PHACTR1: variants seen among roughly 807,000 people sequenced by gnomAD.
PHACTR1 encodes phosphatase and actin regulator 1.
A neutral mutation model predicts 69.2 loss-of-function variants in PHACTR1; 16 were observed. That is an observed-to-expected ratio of 0.23 (90% CI 0.16 to 0.35). The LOEUF is 0.35. Among genes scored for constraint, PHACTR1 ranks in the 10% least tolerant of loss-of-function variants. PHACTR1 has a pLI of 1.00. For synonymous variants in PHACTR1, 312 were observed against 284.5 expected (o/e 1.10, Z -0.97); for missense variants, 510 against 734.7 (o/e 0.69, Z 3.54).
At chr6:13,010,131 T>C (rs1056872613) in intron 4 of PHACTR1, among the ~76,000 whole-genome samples, 6 of 152,162 alleles carry the variant, frequency 3.9e-5, no homozygotes, top group African/African-American at 1.4e-4. Flanking sequence ...CTCTTTCCTA[T>C]TAATTTTTTT....
At chr6:12,913,544 C>T (rs113881607) in intron 4 of PHACTR1, among the ~76,000 whole-genome samples, 11 of 152,354 alleles carry the variant, frequency 7.2e-5, no homozygotes, top group Admixed American at 1.3e-4. Flanking sequence ...CCTGCATGCT[C>T]TCTAGTACGA....
chr6:13,235,494 C>T (rs544484349), intron 10 of PHACTR1, among the ~76,000 whole-genome samples: 1 of 152,338 alleles, frequency 6.6e-6, no homozygotes, highest in Admixed American at 6.5e-5. Flanking sequence ...GTCAGGGCGA[C>T]CTCGTGATCT....
intron 4 of PHACTR1, among the ~76,000 whole-genome samples, chr6:12,753,260 A>G (rs976067021): frequency 1.3e-5 from 2 of 152,244 alleles, no homozygotes; most frequent in African/African-American, 4.8e-5. Flanking sequence ...ACTGCATTGC[A>G]GTCAGTGCAA....
chr6:12,776,322 A>G (rs913110999), intron 4 of PHACTR1, among the ~76,000 whole-genome samples: 3 of 152,110 alleles, frequency 2.0e-5, no homozygotes, highest in Non-Finnish European at 2.9e-5. Flanking sequence ...TTACAATTTA[A>G]TTTGGTCCAA....
intron 4 of PHACTR1, among the ~76,000 whole-genome samples, chr6:12,944,783 A>ATTTTTTTTTT (rs201376090): frequency 8.4e-5 from 10 of 119,294 alleles, no homozygotes; most frequent in South Asian, 5.4e-4. Flanking sequence ...ATTTATTTTT[A>ATTTTTTTTTT]TTTATTTTTT....
intron 4 of PHACTR1, among the ~76,000 whole-genome samples, chr6:12,892,909 G>C (rs1784298696): frequency 1.3e-5 from 2 of 152,140 alleles, no homozygotes; most frequent in Admixed American, 1.3e-4. Context: ...TGGGGCAGTG[G>C]GGCTCTGAGG....
intron 4 of PHACTR1, among the ~76,000 whole-genome samples, chr6:13,023,920 T>C (rs1390356965): frequency 6.6e-6 from 1 of 152,070 alleles, no homozygotes; most frequent in African/African-American, 2.4e-5. Flanking sequence ...CTACTAAAAA[T>C]ACAAAAATTA....
intron 5 of PHACTR1, among the ~76,000 whole-genome samples, chr6:13,159,631 G>A (rs1428555110): frequency 2.0e-5 from 3 of 152,092 alleles, no homozygotes; most frequent in Non-Finnish European, 4.4e-5. Context: ...CCATAAATTG[G>A]GGTTCAATTA....
At chr6:12,883,886 A>G (rs918036235) in intron 4 of PHACTR1, among the ~76,000 whole-genome samples, 1 of 152,142 alleles carries the variant, frequency 6.6e-6, no homozygotes, top group African/African-American at 2.4e-5. Context: ...ATTCCAGTAT[A>G]TGTATTTCTT....
At chr6:13,044,207 G>T (rs1378143945) in intron 4 of PHACTR1, among the ~76,000 whole-genome samples, 1 of 152,124 alleles carries the variant, frequency 6.6e-6, no homozygotes, top group Non-Finnish European at 1.5e-5. Flanking sequence ...TGGAATAGAA[G>T]TATCTTCATC....
At position 12,955,371 on chromosome 6, in the gene PHACTR1, T is replaced by A. The variant is rs566861026; in HGVS notation, c.251-97994T>A. Among the ~76,000 whole-genome samples, 288 of 152,030 alleles carry A rather than the reference T, an allele frequency of 1.9e-3. 1 individual carries two copies. Among genetic ancestry groups the A allele is most frequent in the African/African-American group, 6.1e-3 (251 of 41,416 alleles). On this transcript the variant is annotated intron_variant, in intron 4 of 14. Transcript: ENST00000332995. Reference sequence around the variant, plus strand: ...ACACAACCAGCTAATTTTTTAATTTTAAAAAAAATTTTTTATAGCAACGGG... The same window carrying A: ...ACACAACCAGCTAATTTTTTAATTTAAAAAAAAATTTTTTATAGCAACGGG...
chr6:13,102,187 C>G (rs2127863650), intron 5 of PHACTR1, among the ~76,000 whole-genome samples: 1 of 152,296 alleles, frequency 6.6e-6, no homozygotes, highest in Middle Eastern at 3.4e-3. Context: ...AAGTATTTAG[C>G]AATCAGCATC....
chr6:12,744,259 C>A, intron 3 of PHACTR1, among the ~76,000 whole-genome samples: 1 of 152,122 alleles, frequency 6.6e-6, no homozygotes, highest in Admixed American at 6.5e-5. Flanking sequence ...AAAGCCTTGG[C>A]AAAATAACCA....
rs541128722 is a variant in PHACTR1, at chr6:13,069,511, A to G, written c.415+15982A>G. On this transcript the variant is annotated intron_variant, in intron 5 of 14. Coordinates refer to ENST00000332995, the MANE Select transcript of PHACTR1 (RefSeq NM_030948.6). ...TCTCCTTGGACCAGTCCTGGGAGTC[A>G]TGCCTGACTCTCCTGGAGTACTTCT... Among the ~76,000 whole-genome samples, 552 of 152,166 alleles carry G rather than the reference A, an allele frequency of 3.6e-3. 4 individuals carry two copies. Among genetic ancestry groups the G allele is most frequent in the African/African-American group, 0.013 (520 of 41,520 alleles).
At chr6:12,727,073 C>G (rs1247758823) in intron 3 of PHACTR1, among the ~76,000 whole-genome samples, 2 of 152,078 alleles carry the variant, frequency 1.3e-5, no homozygotes, top group Non-Finnish European at 2.9e-5. Context: ...CTCCATCACC[C>G]TAGTCAGGAA....
At chr6:13,037,662 G>T (rs1201986233) in intron 4 of PHACTR1, among the ~76,000 whole-genome samples, 1 of 152,156 alleles carries the variant, frequency 6.6e-6, no homozygotes, top group African/African-American at 2.4e-5. Flanking sequence ...TAAGCTGATG[G>T]GCAGACTCCA....
At chr6:13,084,053 T>C (rs1263626374) in intron 5 of PHACTR1, among the ~76,000 whole-genome samples, 1 of 152,104 alleles carries the variant, frequency 6.6e-6, no homozygotes, top group African/African-American at 2.4e-5. Context: ...TAAATCATGC[T>C]GCTATAAAGA....
chr6:12,994,846 A>G (rs1334986347), intron 4 of PHACTR1, among the ~76,000 whole-genome samples: 2 of 152,174 alleles, frequency 1.3e-5, no homozygotes, highest in Admixed American at 6.5e-5. Flanking sequence ...TACTACTTTT[A>G]GCACTATTTA....
intron 3 of PHACTR1, among the ~76,000 whole-genome samples, chr6:12,722,018 A>T (rs891647437): frequency 5.9e-5 from 9 of 152,080 alleles, no homozygotes; most frequent in Non-Finnish European, 1.3e-4. Flanking sequence ...TTGCTGAATC[A>T]CTCCACCACA....
Sources: allele counts gnomAD v4.1 joint callset (sites outside exome capture counted in the v4.1 genomes callset), GRCh38; gene constraint gnomAD v4.1.1; transcripts MANE v1.5; gene names NCBI Gene and HGNC (gene_info 2026-07-23, HGNC 2026-07-21).